The following SLC27A2 variants were observed in gnomAD, a reference collection of about 807,000 sequenced individuals.
The protein encoded by SLC27A2 is long-chain fatty acid transport protein 2.
SLC27A2 carries 54 observed loss-of-function variants against 60.0 expected under a neutral mutation model. The ratio of observed to expected loss-of-function variants is 0.90; its 90% CI spans 0.72 to 1.13. The LOEUF (loss-of-function observed/expected upper bound fraction) is 1.13, where lower values mean the gene tolerates loss of function less well. Ranked by LOEUF, SLC27A2 falls within the 50% of genes most tolerant of loss-of-function variation. The probability of loss-of-function intolerance (pLI) is 0.00; values close to 1 mark genes in which losing one functional copy is unlikely to be tolerated. For missense variants in SLC27A2, 739 were observed against 777.6 expected, an observed-to-expected ratio of 0.95 and a Z score of 0.59; for synonymous variants, 297 against 297.6, an observed-to-expected ratio of 1.00 and a Z score of 0.02.
chr15:50,212,070 C>CAAA (rs1171050015), intron 4 of SLC27A2, among the ~76,000 whole-genome samples: 10 of 48,516 alleles, frequency 2.1e-4, no homozygotes, highest in Non-Finnish European at 2.9e-4. Flanking sequence ...GACTCTGTCT[C>CAAA]AAAAAAAAAA....
chr15:50,215,947 CAAAGAT>C (rs1294106159), intron 4 of SLC27A2, among the ~76,000 whole-genome samples: 7 of 152,146 alleles, frequency 4.6e-5, no homozygotes, highest in Admixed American at 4.6e-4. Flanking sequence ...GCAATAAAAA[CAAAGAT>C]AAATAGCTAG....
chr15:50,204,530 G>A (rs940206057), intron 3 of SLC27A2, among the ~76,000 whole-genome samples: 13 of 151,960 alleles, frequency 8.6e-5, no homozygotes, highest in African/African-American at 1.2e-4. Flanking sequence ...TCAGGAGATT[G>A]AGACCATCCT....
chr15:50,213,981 T>C (rs1328432441), intron 4 of SLC27A2, among the ~76,000 whole-genome samples: 1 of 143,678 alleles, frequency 7.0e-6, no homozygotes, highest in Admixed American at 7.0e-5. Context: ...CTAAATGAAA[T>C]TGAAACAAAC....
intron 9 of SLC27A2, among the ~76,000 whole-genome samples, 178 bp downstream of exon 9, chr15:50,234,176 T>C (rs934589216): frequency 1.3e-5 from 2 of 152,202 alleles, no homozygotes; most frequent in Non-Finnish European, 2.9e-5. Context: ...CTGGGTGCGG[T>C]GGCTCATGCC....
At chr15:50,201,706 C>T (rs894196407) in intron 2 of SLC27A2, among the ~76,000 whole-genome samples, 5 of 152,064 alleles carry the variant, frequency 3.3e-5, no homozygotes, top group Non-Finnish European at 5.9e-5. Context: ...TAGGCACCCA[C>T]CACCACGCCC....
chr15:50,223,233 G>A (rs1291777893), intron 5 of SLC27A2, 74 bp downstream of exon 5: 4 of 1,118,270 alleles, frequency 3.6e-6, no homozygotes, highest in African/African-American at 1.6e-5. Context: ...GCCAAGTCAT[G>A]ATGATGTTAT....
intron 3 of SLC27A2, among the ~76,000 whole-genome samples, chr15:50,203,343 C>G (rs934364015): frequency 6.7e-6 from 1 of 148,814 alleles, no homozygotes; most frequent in Non-Finnish European, 1.5e-5. Flanking sequence ...CTTTTCAGCT[C>G]TACTAGAAGG....
At chr15:50,201,716 C>A (rs535673132) in intron 2 of SLC27A2, among the ~76,000 whole-genome samples, 3 of 151,914 alleles carry the variant, frequency 2.0e-5, no homozygotes, top group African/African-American at 7.3e-5. Context: ...CCACCACGCC[C>A]GGCTAATTTT....
chr15:50,214,291 G>C (rs2045179535), intron 4 of SLC27A2, among the ~76,000 whole-genome samples: 1 of 152,006 alleles, frequency 6.6e-6, no homozygotes, highest in African/African-American at 2.4e-5. Flanking sequence ...CCCTGGAACA[G>C]ACCAATAACA....
At chr15:50,209,025 A>G (rs944109071) in intron 4 of SLC27A2, among the ~76,000 whole-genome samples, 3 of 152,200 alleles carry the variant, frequency 2.0e-5, no homozygotes, top group Non-Finnish European at 2.9e-5. Flanking sequence ...GCTCCAGTAC[A>G]GGGGTCTCAA....
At chr15:50,183,994 CTTTTTT>C (rs577766814) in intron 1 of SLC27A2, among the ~76,000 whole-genome samples, 1 of 91,136 alleles carries the variant, frequency 1.1e-5, no homozygotes, top group Non-Finnish European at 2.1e-5. Flanking sequence ...TTTCCTACAT[CTTTTTT>C]TTTTTTTTTT....
chr15:50,233,085 C>T (rs1282798693), intron 8 of SLC27A2, among the ~76,000 whole-genome samples: 1 of 152,138 alleles, frequency 6.6e-6, no homozygotes, highest in African/African-American at 2.4e-5. Flanking sequence ...GGGCTAAATT[C>T]CCTGATGTAG....
Position 50,198,686 on chromosome 15 carries a change from C to G in SLC27A2, c.688+977C>G, listed in dbSNP as rs544003596. ...GGACAGGAAGCCAGCCCCAGCATGC[C>G]AATTATTATTATTAATATTGGAAAA... is the stretch of plus-strand genomic sequence containing the variant. On this transcript the variant is annotated intron_variant, in intron 2 of 9. Coordinates refer to ENST00000267842, the MANE Select transcript of SLC27A2 (RefSeq NM_003645.4). Among the ~76,000 whole-genome samples the G allele has an allele frequency of 5.2e-4, 79 of 152,212 alleles. 1 individual carries two copies. The highest frequency in any genetic ancestry group is 1.9e-3 in the African/African-American group (78 of 41,506).
intron 1 of SLC27A2, among the ~76,000 whole-genome samples, chr15:50,190,157 T>C (rs1403636719): frequency 6.6e-6 from 1 of 152,230 alleles, no homozygotes; most frequent in Non-Finnish European, 1.5e-5. Context: ...AATACTGTCA[T>C]TCCAAACTGC....
intron 7 of SLC27A2, 38 bp from the exon 8 acceptor site, chr15:50,228,907 C>T (rs952146294): frequency 4.9e-6 from 7 of 1,417,408 alleles, no homozygotes; most frequent in Admixed American, 1.7e-5. Context: ...GGGCCAGAAA[C>T]CACCAGTGAC....
chr15:50,190,191 A>G (rs908791168), intron 1 of SLC27A2, among the ~76,000 whole-genome samples: 1 of 152,236 alleles, frequency 6.6e-6, no homozygotes, highest in Non-Finnish European at 1.5e-5. Context: ...GCAAAATTAC[A>G]GTTACAAATG....
At chr15:50,210,197 T>C (rs778441418) in intron 4 of SLC27A2, among the ~76,000 whole-genome samples, 28 of 152,072 alleles carry the variant, frequency 1.8e-4, no homozygotes, top group Non-Finnish European at 3.5e-4. Context: ...GAGGCTCACA[T>C]TGTGAATTTT....
intron 4 of SLC27A2, among the ~76,000 whole-genome samples, 185 bp downstream of exon 4, chr15:50,205,548 AT>A (rs2045105663): frequency 6.6e-6 from 1 of 152,086 alleles, no homozygotes; most frequent in African/African-American, 2.4e-5. Flanking sequence ...GGGAGTTAAT[AT>A]TATTATTATG....
Position 50,182,914 on chromosome 15 carries a change from C to G in SLC27A2, c.478+9C>G. The stretch of plus-strand genomic sequence containing the variant: ...GCTGCTGGTGTCGCCAGGTGAGCCC[C>G]GAGGATCGCCCTGCCCTGGCACCAG... On this transcript the variant is annotated intron_variant, in intron 1 of 9. Transcript: ENST00000267842. 1.9e-6 allele frequency: 3 copies of G among 1,593,900 alleles called. No individual in the cohort carries two copies. Among genetic ancestry groups the G allele is most frequent in the Admixed American group, 1.7e-5 (1 of 59,256 alleles).
Sources: gnomAD v4.1 joint callset for allele counts (sites outside exome capture counted in the v4.1 genomes callset) on GRCh38, gnomAD v4.1.1 for gene constraint, MANE v1.5 for transcripts, NCBI Gene and HGNC (gene_info 2026-07-23, HGNC 2026-07-21) for gene names.